The following GRM3 variants were observed in gnomAD, a reference collection of about 807,000 sequenced individuals.
GRM3 encodes the protein glutamate metabotropic receptor 3.
In GRM3, 26 loss-of-function variants were observed where a neutral mutation model predicts 70.5. That is an observed-to-expected ratio of 0.37 (90% confidence interval 0.27 to 0.51). The LOEUF is 0.51. Among genes scored for constraint, GRM3 ranks in the 20% least tolerant of loss-of-function variants. The pLI is 0.93. For missense variants in GRM3, 859 were observed against 1,123.8 expected (o/e 0.76, Z 3.37); for synonymous variants, 443 against 434.9 (o/e 1.02, Z -0.23).
intron 3 of GRM3, among the ~76,000 whole-genome samples, chr7:86,801,518 A>T (rs1198404751): frequency 6.6e-6 from 1 of 152,230 alleles, no homozygotes; most frequent in Non-Finnish European, 1.5e-5. Flanking sequence ...ACATAGAAAA[A>T]AACAACACAA....
intron 3 of GRM3, among the ~76,000 whole-genome samples, chr7:86,790,719 C>T (rs1003698510): frequency 2.6e-5 from 4 of 152,114 alleles, no homozygotes; most frequent in African/African-American, 4.8e-5. Context: ...AGGGCTTTTC[C>T]ACTGCCAGTT....
At chr7:86,859,451 G>C (rs1250312210) in intron 5 of GRM3, among the ~76,000 whole-genome samples, 1 of 152,114 alleles carries the variant, frequency 6.6e-6, no homozygotes, top group Non-Finnish European at 1.5e-5. Flanking sequence ...AAGATGATGA[G>C]TAAGAAAACA....
At chr7:86,708,362 A>C (rs1006281082) in intron 1 of GRM3, among the ~76,000 whole-genome samples, 3 of 152,288 alleles carry the variant, frequency 2.0e-5, no homozygotes, top group East Asian at 1.9e-4. Context: ...GAAGCCTAAC[A>C]GTTCAAGAGA....
chr7:86,735,208 T>G (rs1359189417), intron 1 of GRM3, among the ~76,000 whole-genome samples: 1 of 152,212 alleles, frequency 6.6e-6, no homozygotes, highest in Non-Finnish European at 1.5e-5. Context: ...GTTATTCTGC[T>G]TCTTCAGCCT....
rs573460659 is a variant in GRM3 at position 86,672,337 on chromosome 7, T to A, written c.-141+27465T>A. On this transcript the variant is annotated intron_variant, in intron 1 of 5. Transcript: ENST00000361669. ...TGCCTTGGCCCCTCCACAATTGGGATAAGGTAGGGAATATTGAGAAAAGAG... is the reference window on the plus strand; with the variant it reads ...TGCCTTGGCCCCTCCACAATTGGGAAAAGGTAGGGAATATTGAGAAAAGAG... Among the ~76,000 whole-genome samples the A allele has an allele frequency of 5.8e-4, 88 of 152,230 alleles. 2 individuals carry two copies. The South Asian group carries it at 0.018, about 31-fold the overall frequency.
chr7:86,707,934 C>T (rs188530222), intron 1 of GRM3, among the ~76,000 whole-genome samples: 1 of 152,046 alleles, frequency 6.6e-6, no homozygotes, highest in South Asian at 2.1e-4. Flanking sequence ...ATTAAGAACC[C>T]TATGAAAAAG....
At chr7:86,736,764 T>C (rs1349688393) in intron 1 of GRM3, among the ~76,000 whole-genome samples, 5 of 152,162 alleles carry the variant, frequency 3.3e-5, no homozygotes. Flanking sequence ...CCACATCTCT[T>C]TGTAAAGAAG....
chr7:86,740,292 C>G (rs1193512520), intron 1 of GRM3, among the ~76,000 whole-genome samples: 1 of 152,110 alleles, frequency 6.6e-6, no homozygotes, highest in African/African-American at 2.4e-5. Context: ...GTAAGTGTAT[C>G]TAGTCCTTAG....
intron 3 of GRM3, among the ~76,000 whole-genome samples, chr7:86,798,869 T>C (rs1177840224): frequency 7.2e-6 from 1 of 139,600 alleles, no homozygotes; most frequent in Non-Finnish European, 1.6e-5. Flanking sequence ...AAAGGAGAGT[T>C]CCCCTCTTCT....
intron 2 of GRM3, among the ~76,000 whole-genome samples, chr7:86,772,921 C>A (rs1055580323): frequency 6.6e-6 from 1 of 152,030 alleles, no homozygotes; most frequent in African/African-American, 2.4e-5. Flanking sequence ...GATTAAAACT[C>A]TGTGCAGACT....
At chr7:86,716,143 C>G (rs1795309036) in intron 1 of GRM3, among the ~76,000 whole-genome samples, 1 of 151,920 alleles carries the variant, frequency 6.6e-6, no homozygotes, top group Non-Finnish European at 1.5e-5. Flanking sequence ...CAAATGTATT[C>G]CCAATGTCAT....
At chr7:86,694,659 G>C (rs1165870762) in intron 1 of GRM3, among the ~76,000 whole-genome samples, 1 of 151,958 alleles carries the variant, frequency 6.6e-6, no homozygotes, top group East Asian at 1.9e-4. Context: ...TTATATAAAA[G>C]GTATTAAATA....
chr7:86,740,036 T>C (rs1795951249), intron 1 of GRM3, among the ~76,000 whole-genome samples: 1 of 152,160 alleles, frequency 6.6e-6, no homozygotes, highest in African/African-American at 2.4e-5. Flanking sequence ...CTATTATATA[T>C]TTAAGTTAAC....
chr7:86,800,807 A>T (rs935739451), intron 3 of GRM3, among the ~76,000 whole-genome samples: 2 of 152,222 alleles, frequency 1.3e-5, no homozygotes, highest in African/African-American at 4.8e-5. Context: ...GCACATCCTG[A>T]TACAAAAACC....
chr7:86,850,498 C>A lies in GRM3; in HGVS notation c.2520C>A (p.His840Gln), dbSNP rs1245015180. The change falls in exon 5 of 6, where the codon CAC (histidine) becomes CAA (glutamine). Residue 840 changes from histidine (H) to glutamine (Q), a missense_variant. Coordinates refer to ENST00000361669, the MANE Select transcript of GRM3 (RefSeq NM_000840.3). ...PQKNVVTHRL[H>Q]LNRFSVSGTG... ...AGAATGTTGTCACACACAGACTGCA[C>A]CTCAACAGGTTCAGTGTCAGTGGAA... 1 of 1,611,710 alleles carries A rather than the reference C, an allele frequency of 6.2e-7. No individual in the cohort carries two copies.
chr7:86,704,230 C>T (rs901281181), intron 1 of GRM3, among the ~76,000 whole-genome samples: 1 of 151,858 alleles, frequency 6.6e-6, no homozygotes, highest in Non-Finnish European at 1.5e-5. Context: ...AACTAAGTCT[C>T]TTCTTTATAG....
chr7:86,787,531 A>C (rs578001371), intron 3 of GRM3, among the ~76,000 whole-genome samples: 19 of 151,874 alleles, frequency 1.3e-4, no homozygotes, highest in African/African-American at 4.6e-4. Flanking sequence ...GAGCAAAAGA[A>C]TCTCATAACT....
At chr7:86,752,271 G>T (rs924599483) in intron 1 of GRM3, among the ~76,000 whole-genome samples, 4 of 152,020 alleles carry the variant, frequency 2.6e-5, no homozygotes, top group African/African-American at 9.7e-5. Context: ...CATGCAATAC[G>T]CACTCTTTGG....
chr7:86,699,322 A>G (rs1794898493), intron 1 of GRM3, among the ~76,000 whole-genome samples: 1 of 152,072 alleles, frequency 6.6e-6, no homozygotes, highest in African/African-American at 2.4e-5. Context: ...ACCCCTTGTG[A>G]GTTATAAGTC....
Sources: gnomAD v4.1 joint callset for allele counts (sites outside exome capture counted in the v4.1 genomes callset) on GRCh38, gnomAD v4.1.1 for gene constraint, MANE v1.5 for transcripts, NCBI Gene and HGNC (gene_info 2026-07-23, HGNC 2026-07-21) for gene names.